The following XIRP2 variants were observed in gnomAD, a reference collection of about 807,000 sequenced individuals.
XIRP2 encodes the protein xin actin-binding repeat-containing protein 2.
In XIRP2, 236 loss-of-function variants were observed where a neutral mutation model predicts 277.0. The ratio of observed to expected loss-of-function variants is 0.85; its 90% CI spans 0.77 to 0.95. The LOEUF is 0.95. Among genes scored for constraint, XIRP2 ranks in the 40% least tolerant of loss-of-function variants. The pLI is 0.00. For synonymous variants in XIRP2, 1,490 were observed against 1,416.5 expected, an observed-to-expected ratio of 1.05 and a Z score of -1.17; for missense variants, 4,640 against 4,157.5, an observed-to-expected ratio of 1.12 and a Z score of -3.19.
intron 3 of XIRP2, among the ~76,000 whole-genome samples, chr2:167,160,658 A>G (rs968635616): frequency 6.6e-6 from 1 of 152,126 alleles, no homozygotes; most frequent in Non-Finnish European, 1.5e-5. Flanking sequence ...CCATGATTCA[A>G]TTGCCTCCCA....
Position 167,251,391 on chromosome 2 carries a change from A to G in XIRP2, c.9999A>G (p.Ile3333Met). 1.9e-6 allele frequency: 3 copies of G among 1,613,664 alleles called. No homozygotes were observed. Among genetic ancestry groups the G allele is most frequent in the Non-Finnish European group, 1.7e-6 (2 of 1,179,692 alleles). Reference protein sequence around the residue: ...ENFVNDPENEINRWFREFEHG... With the variant: ...ENFVNDPENEMNRWFREFEHG... The stretch of plus-strand genomic sequence containing the variant: ...TCGTGAATGACCCTGAAAATGAAAT[A>G]AACAGATGGTTCAGGGAATTTGAGC... The change falls in exon 9 of 11, where the codon ATA (isoleucine) becomes ATG (methionine). Residue 3333 changes from isoleucine to methionine, a missense_variant. Physicochemically the swap from Ile to Met is conservative, Grantham distance 10. Transcript: ENST00000409195.
intron 2 of XIRP2, among the ~76,000 whole-genome samples, chr2:167,102,478 T>C (rs998483571): frequency 7.2e-5 from 11 of 152,170 alleles, no homozygotes; most frequent in Admixed American, 5.2e-4. Flanking sequence ...AGACGGGCAA[T>C]TAGTTTCAAG....
chr2:167,055,995 G>A lies in XIRP2; in HGVS notation c.409-79914G>A, dbSNP rs61334895. Among the ~76,000 whole-genome samples, 602 of 151,960 alleles carry A rather than the reference G, an allele frequency of 4.0e-3. 30 individuals carry two copies. In the East Asian group the frequency reaches 0.095, roughly 24 times the overall value. ...ATCTGCCTTTCTTCATAAATACATC[G>A]GGTTCAGTAAATACCTTCTTTTTCA... On this transcript the variant is annotated intron_variant, in intron 2 of 10. Transcript: ENST00000409195.
At chr2:167,158,562 A>G (rs1047793739) in intron 3 of XIRP2, among the ~76,000 whole-genome samples, 3 of 152,204 alleles carry the variant, frequency 2.0e-5, no homozygotes, top group Non-Finnish European at 4.4e-5. Flanking sequence ...AGAGTTTACC[A>G]TGTAACTTAC....
chr2:166,901,073 GT>G (rs1371234713), intron 1 of XIRP2, among the ~76,000 whole-genome samples: 1 of 152,082 alleles, frequency 6.6e-6, no homozygotes, highest in African/African-American at 2.4e-5. Flanking sequence ...TTTAGTTGTG[GT>G]TTTTCATGTT....
rs760166322 is a variant in XIRP2, at chr2:167,244,884, A to G, written c.3492A>G (p.Thr1164=). Residue 1164 remains threonine (T), a synonymous_variant, in exon 9 of 11, where the codon ACA becomes ACG. Coordinates refer to ENST00000409195, the MANE Select transcript of XIRP2 (RefSeq NM_152381.6). The stretch of plus-strand genomic sequence containing the variant: ...AGATCCAAGGTGGGGATGTTCGTAC[A>G]GCATGTTTTCTTTTTGAGACAGAAA... ...QEEIQGGDVR[T]ACFLFETENL... 49 of 1,613,202 alleles carry G rather than the reference A, an allele frequency of 3.0e-5. No individual in the cohort carries two copies. In the Admixed American group the frequency reaches 7.8e-4, roughly 26 times the overall value.
intron 2 of XIRP2, among the ~76,000 whole-genome samples, chr2:166,936,546 G>A (rs1685508566): frequency 2.0e-5 from 3 of 152,142 alleles, no homozygotes; most frequent in Admixed American, 6.5e-5. Context: ...ATAGCTTTAG[G>A]TCTAACATTT....
chr2:167,251,821 A>C lies in XIRP2; in HGVS notation c.10429A>C (p.Arg3477=), dbSNP rs373747449. 1 of 1,613,384 alleles carries C rather than the reference A, an allele frequency of 6.2e-7. No individual in the cohort carries two copies. The highest frequency in any genetic ancestry group is 1.7e-5 in the Admixed American group (1 of 59,942). The change falls in exon 9 of 11, where the codon AGA becomes CGA. Residue 3477 remains arginine, a synonymous_variant. Transcript: ENST00000409195. ...LDISDSPKEV[R]KNFQKTWQES... is the part of the protein sequence containing the mutation. ...TATCTCTGATTCACCTAAAGAAGTAAGAAAAAATTTTCAAAAGACGTGGCA... is the reference window on the plus strand; with the variant it reads ...TATCTCTGATTCACCTAAAGAAGTACGAAAAAATTTTCAAAAGACGTGGCA...
In XIRP2 at chr2:167,257,841, T is replaced by A; in HGVS notation, c.*40-16T>A. On this transcript the variant is annotated splice_polypyrimidine_tract_variant and intron_variant, in intron 10 of 10. Transcript: ENST00000409195. ...AGTAAATACGAACTGCTAAGTGTTC[T>A]TTTTCTTTTTGGCAGTTTGGGAAAT... is the stretch of plus-strand genomic sequence containing the variant. 1 of 1,576,044 alleles carries A rather than the reference T, an allele frequency of 6.3e-7. No homozygotes were observed. Among genetic ancestry groups the A allele is most frequent in the East Asian group, 2.2e-5 (1 of 44,550 alleles).
intron 5 of XIRP2, among the ~76,000 whole-genome samples, chr2:167,221,171 TAAAAGA>T (rs1181183549): frequency 1.3e-5 from 2 of 152,060 alleles, no homozygotes; most frequent in African/African-American, 4.8e-5. Flanking sequence ...TGTAGGAAAG[TAAAAGA>T]AAAAGTCATT....
At chr2:167,126,175 GCTCTCT>G (rs759213012) in intron 2 of XIRP2, among the ~76,000 whole-genome samples, 3 of 131,130 alleles carry the variant, frequency 2.3e-5, no homozygotes, top group African/African-American at 7.2e-5. Flanking sequence ...CTCCTTGTGC[GCTCTCT>G]CTCTCTCTCT....
chr2:166,915,185 C>G (rs1383457558), intron 2 of XIRP2, among the ~76,000 whole-genome samples: 1 of 149,266 alleles, frequency 6.7e-6, no homozygotes, highest in Non-Finnish European at 1.5e-5. Context: ...CCTGTGGTCC[C>G]AGCTACTTGG....
chr2:167,187,311 G>A (rs1186930462), intron 3 of XIRP2: 1 of 985,190 alleles, frequency 1.0e-6, no homozygotes, highest in African/African-American at 1.7e-5. Context: ...AAAAATAGGT[G>A]CCAAGTTGCA....
intron 2 of XIRP2, among the ~76,000 whole-genome samples, chr2:166,908,159 G>A (rs1194122703): frequency 6.6e-6 from 1 of 152,022 alleles, no homozygotes; most frequent in Non-Finnish European, 1.5e-5. Context: ...TAAATGGTAT[G>A]TCTACTTCTA....
At chr2:167,089,682 G>A (rs371575171) in intron 2 of XIRP2, among the ~76,000 whole-genome samples, 26 of 152,190 alleles carry the variant, frequency 1.7e-4, no homozygotes, top group Non-Finnish European at 2.4e-4. Context: ...ATATGTGTGC[G>A]TGTATTACTT....
chr2:167,222,563 T>C (rs751780103), intron 5 of XIRP2, among the ~76,000 whole-genome samples: 3 of 152,180 alleles, frequency 2.0e-5, no homozygotes, highest in Non-Finnish European at 2.9e-5. Flanking sequence ...TGTTTTTGTT[T>C]TAGGATTGAA....
intron 2 of XIRP2, among the ~76,000 whole-genome samples, chr2:166,956,998 C>T (rs952672856): frequency 6.6e-6 from 1 of 151,770 alleles, no homozygotes. Flanking sequence ...TGAAATTTTG[C>T]TTTATTATAT....
At chr2:167,106,647 A>C (rs2105291061) in intron 2 of XIRP2, among the ~76,000 whole-genome samples, 1 of 151,658 alleles carries the variant, frequency 6.6e-6, no homozygotes, top group East Asian at 1.9e-4. Context: ...TATTTTTTAC[A>C]AAAAAAGTTT....
intron 2 of XIRP2, among the ~76,000 whole-genome samples, chr2:167,051,237 T>G (rs1688907909): frequency 6.6e-6 from 1 of 152,262 alleles, no homozygotes; most frequent in African/African-American, 2.4e-5. Flanking sequence ...TTGGAACATG[T>G]AAGACACTTG....
Sources: gnomAD v4.1 joint callset for allele counts (sites outside exome capture counted in the v4.1 genomes callset) on GRCh38, gnomAD v4.1.1 for gene constraint, MANE v1.5 for transcripts, NCBI Gene and HGNC (gene_info 2026-07-23, HGNC 2026-07-21) for gene names.